The following MID1 variants were observed in gnomAD, a reference collection of about 807,000 sequenced individuals.
The protein encoded by MID1 is midline 1.
In MID1, 7 loss-of-function variants were observed where a neutral mutation model predicts 40.4. That is an observed-to-expected ratio of 0.17 (90% confidence interval 0.10 to 0.33). MID1 has a LOEUF of 0.33. MID1 is among the 10% of genes least tolerant of loss of function. The pLI, the probability that MID1 is intolerant of heterozygous loss-of-function variation, is 1.00. For synonymous variants in MID1, 229 were observed against 221.2 expected (o/e 1.04, Z -0.31); for missense variants, 367 against 558.5 (o/e 0.66, Z 3.46).
At chrX:10,454,140 G>A (rs1485681957) in intron 9 of MID1, among the ~76,000 whole-genome samples, 1 of 111,743 alleles carries the variant, frequency 8.9e-6, no homozygotes, top group East Asian at 2.8e-4. Flanking sequence ...ATTGTGTCCT[G>A]ACCTTTGCCC....
At chrX:10,785,070 T>C (rs1396519296) in intron 1 of MID1, among the ~76,000 whole-genome samples, 1 of 111,139 alleles carries the variant, frequency 9.0e-6, no homozygotes, top group Non-Finnish European at 1.9e-5. Context: ...GAAAACCCCA[T>C]CGTCTCAGCC....
chrX:10,820,665 A>C (rs1481935875), intron 1 of MID1, among the ~76,000 whole-genome samples: 2 of 111,399 alleles, frequency 1.8e-5, no homozygotes, highest in African/African-American at 6.5e-5. Context: ...TTTGCATTCT[A>C]ACCAGGGCAC....
chrX:10,814,235 T>C (rs758720827), intron 1 of MID1, among the ~76,000 whole-genome samples: 3 of 111,293 alleles, frequency 2.7e-5, no homozygotes, highest in Non-Finnish European at 5.6e-5. Context: ...TTTCCCCATA[T>C]GTTAGATGGT....
chrX:10,698,638 A>C (rs753246507), intron 1 of MID1, among the ~76,000 whole-genome samples: 10 of 109,231 alleles, frequency 9.2e-5, no homozygotes, highest in Middle Eastern at 4.6e-3. Context: ...AGATATCAGA[A>C]TATGCCACCA....
At chrX:10,535,313 A>T (rs770302600) in intron 2 of MID1, among the ~76,000 whole-genome samples, 1 of 112,379 alleles carries the variant, frequency 8.9e-6, no homozygotes, top group Middle Eastern at 4.6e-3. Flanking sequence ...TGATACAGTG[A>T]AGGAAAATCA....
chrX:10,815,570 G>A (rs1270630229), intron 1 of MID1, among the ~76,000 whole-genome samples: 1 of 112,243 alleles, frequency 8.9e-6, no homozygotes, highest in East Asian at 2.8e-4. Flanking sequence ...CAAGTGACAA[G>A]GAATAGCAAA....
Position 10,639,262 on chromosome X carries a change from T to A in MID1, c.-186-18843A>T, listed in dbSNP as rs1173725680. On this transcript the variant is annotated intron_variant, in intron 1 of 10. Coordinates refer to the MID1 transcript ENST00000380785. ...ACCCATCACAAAGAAGCTAAAAACC[T>A]TGCAAAAAGATGAGATGAATGGCTA... Among the ~76,000 whole-genome samples, 5 of 111,185 alleles carry A rather than the reference T, an allele frequency of 4.5e-5. No homozygotes were observed. In the Admixed American group the frequency reaches 4.8e-4, roughly 11 times the overall value.
intron 1 of MID1, among the ~76,000 whole-genome samples, chrX:10,640,479 T>C (rs1170879648): frequency 9.0e-6 from 1 of 111,183 alleles, no homozygotes; most frequent in Non-Finnish European, 1.9e-5. Context: ...CCTAAATATA[T>C]ATGCACCCAA....
chrX:10,490,654 T>C (rs1602297172), intron 4 of MID1, among the ~76,000 whole-genome samples: 1 of 112,404 alleles, frequency 8.9e-6, no homozygotes, highest in Non-Finnish European at 1.9e-5. Flanking sequence ...TCTCTCACTC[T>C]AGATTTTTTA....
At chrX:10,788,996 A>C (rs1205541244) in intron 1 of MID1, among the ~76,000 whole-genome samples, 1 of 109,632 alleles carries the variant, frequency 9.1e-6, no homozygotes, top group Non-Finnish European at 1.9e-5. Context: ...AAAAACAAAA[A>C]CCAAAAAACA....
intron 1 of MID1, among the ~76,000 whole-genome samples, chrX:10,793,625 C>A (rs1791465029): frequency 8.9e-6 from 1 of 112,087 alleles, no homozygotes; most frequent in Non-Finnish European, 1.9e-5. Flanking sequence ...CCTTAAAAAA[C>A]CAAGCTCCTA....
rs746392019 is a variant in MID1 at position 10,670,240 on chromosome X, G to A, written c.-186-49821C>T. Among the ~76,000 whole-genome samples, 93 of 111,901 alleles carry A rather than the reference G, an allele frequency of 8.3e-4. 1 individual carries two copies. The highest frequency in any genetic ancestry group is 2.8e-3 in the African/African-American group (86 of 30,820). ...ACAAATTAAAAAGCAAACTTAAATG[G>A]CAAGGTCTCATATCTTCCTGGTGAT... On this transcript the variant is annotated intron_variant, in intron 1 of 10. Coordinates refer to the MID1 transcript ENST00000380785.
intron 3 of MID1, among the ~76,000 whole-genome samples, chrX:10,509,240 T>C (rs1931994540): frequency 9.0e-6 from 1 of 111,230 alleles, no homozygotes; most frequent in African/African-American, 3.3e-5. Context: ...GAAGTTGTGG[T>C]GAGTTTGTGA....
At chrX:10,513,582 C>T (rs1023175762) in intron 3 of MID1, among the ~76,000 whole-genome samples, 49 of 112,397 alleles carry the variant, frequency 4.4e-4, no homozygotes, top group Non-Finnish European at 3.9e-4. Flanking sequence ...GATCTCAGCT[C>T]ACTGCAACCT....
chrX:10,689,565 A>G (rs1228264184), intron 1 of MID1, among the ~76,000 whole-genome samples: 1 of 111,537 alleles, frequency 9.0e-6, no homozygotes, highest in Non-Finnish European at 1.9e-5. Flanking sequence ...ATTTATATCT[A>G]TACCTACACC....
intron 1 of MID1, among the ~76,000 whole-genome samples, chrX:10,689,291 G>T (rs982849061): frequency 1.8e-5 from 2 of 111,560 alleles, no homozygotes; most frequent in African/African-American, 3.3e-5. Context: ...TAAGGCAAAG[G>T]GGAAGCAAGC....
At chrX:10,592,786 T>A (rs762475673) in intron 1 of MID1, among the ~76,000 whole-genome samples, 198 of 111,201 alleles carry the variant, frequency 1.8e-3, no homozygotes, top group Non-Finnish European at 3.0e-3. Context: ...GGAACAAAGA[T>A]GACAATAAAA....
intron 1 of MID1, among the ~76,000 whole-genome samples, chrX:10,709,915 A>T (rs2043255038): frequency 8.9e-6 from 1 of 112,230 alleles, no homozygotes; most frequent in Non-Finnish European, 1.9e-5. Flanking sequence ...AGGTTGGAAG[A>T]GGGAGTGTGT....
chrX:10,812,309 T>C (rs2044107629), intron 1 of MID1, among the ~76,000 whole-genome samples: 1 of 111,442 alleles, frequency 9.0e-6, no homozygotes, highest in African/African-American at 3.3e-5. Flanking sequence ...TCATTACATG[T>C]ATGTGCTTAT....
Sources: allele counts gnomAD v4.1 joint callset (sites outside exome capture counted in the v4.1 genomes callset), GRCh38; gene constraint gnomAD v4.1.1; transcripts MANE v1.5; gene names NCBI Gene and HGNC (gene_info 2026-07-23, HGNC 2026-07-21).